C1QTNF3: variants seen among roughly 807,000 people sequenced by gnomAD.
The protein encoded by C1QTNF3 is complement C1q tumor necrosis factor-related protein 3.
Under a neutral mutation model 32.6 loss-of-function variants are expected in C1QTNF3, and 26 were observed. The observed-to-expected ratio is 0.80, with a 90% CI of 0.58 to 1.11. The LOEUF is 1.11. Among genes scored for constraint, C1QTNF3 ranks in the 50% least tolerant of loss-of-function variants. The probability of loss-of-function intolerance (pLI) is 0.00; values close to 1 mark genes in which losing one functional copy is unlikely to be tolerated. For synonymous variants in C1QTNF3, 155 were observed against 146.0 expected (o/e 1.06, Z -0.44); for missense variants, 362 against 398.2 (o/e 0.91, Z 0.77).
At chr5:34,236,408 A>G in the C1QTNF3 span, among the ~76,000 whole-genome samples, 1 of 151,868 alleles carries the variant, frequency 6.6e-6, no homozygotes, top group African/African-American at 2.4e-5. Flanking sequence ...AAAGAAGAAG[A>G]AAAAGAAGTG....
chr5:34,224,631 C>T, the C1QTNF3 span, among the ~76,000 whole-genome samples: 17,896 of 151,994 alleles, frequency 0.12, 2,788 homozygotes, highest in African/African-American at 0.36. Flanking sequence ...CCCTTCCTTA[C>T]ACCTTATACA....
the C1QTNF3 span, among the ~76,000 whole-genome samples, chr5:34,108,499 T>TA: frequency 6.6e-6 from 1 of 152,134 alleles, no homozygotes; most frequent in Non-Finnish European, 1.5e-5. Flanking sequence ...AGGAGACACT[T>TA]ATATTTTGCA....
the C1QTNF3 span, among the ~76,000 whole-genome samples, chr5:34,074,931 G>A: frequency 1.3e-5 from 2 of 151,654 alleles, no homozygotes; most frequent in Non-Finnish European, 2.9e-5. Context: ...GGAATTGTAG[G>A]CTATTTGAAA....
At chr5:34,104,938 A>T in the C1QTNF3 span, among the ~76,000 whole-genome samples, 1 of 152,012 alleles carries the variant, frequency 6.6e-6, no homozygotes, top group Non-Finnish European at 1.5e-5. Flanking sequence ...AAGATTTTTA[A>T]AAGTTTTATT....
At chr5:34,240,150 C>T in the C1QTNF3 span, among the ~76,000 whole-genome samples, 6 of 149,268 alleles carry the variant, frequency 4.0e-5, no homozygotes, top group Admixed American at 1.3e-4. Flanking sequence ...TTAAGAGGAA[C>T]GTTTAAATGC....
At chr5:34,049,820 G>A in the C1QTNF3 span, among the ~76,000 whole-genome samples, 3 of 152,190 alleles carry the variant, frequency 2.0e-5, no homozygotes, top group Non-Finnish European at 4.4e-5. Flanking sequence ...GGGTCCCTCA[G>A]TCTGTTTTCT....
the C1QTNF3 span, among the ~76,000 whole-genome samples, chr5:34,211,974 G>A: frequency 1.3e-4 from 20 of 152,190 alleles, 1 homozygote; most frequent in East Asian, 3.9e-3. Flanking sequence ...GAACAAAGCT[G>A]GAGGCATCAT....
At chr5:34,113,619 A>G in the C1QTNF3 span, among the ~76,000 whole-genome samples, 1 of 152,164 alleles carries the variant, frequency 6.6e-6, no homozygotes, top group Non-Finnish European at 1.5e-5. Context: ...TAAAAAATAT[A>G]TTTAATTTTT....
At chr5:34,058,417 A>T in the C1QTNF3 span, among the ~76,000 whole-genome samples, 1 of 152,166 alleles carries the variant, frequency 6.6e-6, no homozygotes, top group Non-Finnish European at 1.5e-5. Context: ...TTGTTTCATC[A>T]CTTTTCTGTC....
the C1QTNF3 span, among the ~76,000 whole-genome samples, chr5:34,057,528 T>C: frequency 1.3e-5 from 2 of 152,234 alleles, no homozygotes; most frequent in Admixed American, 1.3e-4. Context: ...CTCTAAGACA[T>C]TTCTTCCCAA....
the C1QTNF3 span, among the ~76,000 whole-genome samples, chr5:34,223,075 T>C: frequency 6.6e-6 from 1 of 151,704 alleles, no homozygotes; most frequent in Non-Finnish European, 1.5e-5. Flanking sequence ...ATGTGCAGGT[T>C]AGTTACATAT....
At chr5:34,211,807 T>C in the C1QTNF3 span, among the ~76,000 whole-genome samples, 1 of 152,118 alleles carries the variant, frequency 6.6e-6, no homozygotes, top group Non-Finnish European at 1.5e-5. Flanking sequence ...GACATTTGGA[T>C]TGGTTCCAAG....
chr5:34,222,950 T>C, the C1QTNF3 span, among the ~76,000 whole-genome samples: 2 of 151,920 alleles, frequency 1.3e-5, no homozygotes, highest in Non-Finnish European at 1.5e-5. Flanking sequence ...ACAGTGTGCA[T>C]TTTTACCCTC....
the C1QTNF3 span, among the ~76,000 whole-genome samples, chr5:34,159,708 T>TA: frequency 6.6e-6 from 1 of 151,998 alleles, no homozygotes; most frequent in African/African-American, 2.4e-5. Context: ...TGCCAAGTAA[T>TA]ATGCTGTGAT....
At chr5:34,088,777 G>A in the C1QTNF3 span, among the ~76,000 whole-genome samples, 2 of 152,128 alleles carry the variant, frequency 1.3e-5, no homozygotes, top group South Asian at 2.1e-4. Flanking sequence ...CTCCTACAGT[G>A]CTGAGATGAC....
intron 2 of C1QTNF3, 40 bp downstream of exon 2, chr5:34,035,607 G>A: frequency 7.0e-7 from 1 of 1,427,726 alleles, no homozygotes; most frequent in Non-Finnish European, 9.9e-7. Flanking sequence ...CTTTAGCTCA[G>A]GCTGCAATTA....
rs371598034 is a variant in C1QTNF3 at position 34,028,803 on chromosome 5, A to T, written c.651T>A (p.Ile217=). 6.2e-7 allele frequency: 1 copy of T among 1,612,396 alleles called. No individual in the cohort carries two copies. Among genetic ancestry groups the T allele is most frequent in the African/African-American group, 1.3e-5 (1 of 74,862 alleles). ...CAGTCATGACATCAAAGAAGTTTCC[A>T]ATGTTGGTCTCAACACTGCTGAAGA... ...GIIFSSVETN[I]GNFFDVMTGR... Residue 217 remains isoleucine, a synonymous_variant, in exon 4 of 6, where the codon ATT becomes ATA. Transcript: ENST00000382065.
chr5:34,133,870 G>A, the C1QTNF3 span, among the ~76,000 whole-genome samples: 2,903 of 152,234 alleles, frequency 0.019, 108 homozygotes, highest in African/African-American at 0.068. Flanking sequence ...TTGGCTGTTC[G>A]TTTCACGAAA....
At chr5:34,157,234 G>A in the C1QTNF3 span, among the ~76,000 whole-genome samples, 3 of 152,176 alleles carry the variant, frequency 2.0e-5, no homozygotes, top group African/African-American at 7.2e-5. Context: ...AATGGCTGCT[G>A]CTGAGCTTCC....
Sources: gnomAD v4.1 joint callset for allele counts (sites outside exome capture counted in the v4.1 genomes callset) on GRCh38, gnomAD v4.1.1 for gene constraint, MANE v1.5 for transcripts, NCBI Gene and HGNC (gene_info 2026-07-23, HGNC 2026-07-21) for gene names.